The following RFFL variants were observed in gnomAD, a reference collection of about 807,000 sequenced individuals.
RFFL encodes ring finger and FYVE like domain containing E3 ubiquitin protein ligase, also known as E3 ubiquitin-protein ligase rififylin.
A neutral mutation model predicts 40.4 loss-of-function variants in RFFL; 16 were observed. The ratio of observed to expected loss-of-function variants is 0.40; its 90% CI spans 0.27 to 0.60. The LOEUF is 0.60. Ranked by LOEUF, RFFL falls within the 20% of genes least tolerant of loss-of-function variation. RFFL has a pLI of 0.47. For missense variants in RFFL, 367 were observed against 451.7 expected (o/e 0.81, Z 1.70); for synonymous variants, 154 against 167.9 (o/e 0.92, Z 0.64).
chr17:35,013,476 C>A (rs1249259194), intron 6 of RFFL, among the ~76,000 whole-genome samples: 1 of 152,184 alleles, frequency 6.6e-6, no homozygotes, highest in Admixed American at 6.5e-5. Flanking sequence ...TAAAAAGGAA[C>A]TGATCTCACA....
chr17:35,019,397 T>C (rs2090994257), intron 3 of RFFL, among the ~76,000 whole-genome samples: 1 of 152,164 alleles, frequency 6.6e-6, no homozygotes, highest in Non-Finnish European at 1.5e-5. Flanking sequence ...TTTTGTTTTC[T>C]GAGACAGGAT....
chr17:35,061,099 G>A (rs2142367898), intron 1 of RFFL, among the ~76,000 whole-genome samples: 1 of 151,464 alleles, frequency 6.6e-6, no homozygotes, highest in South Asian at 2.1e-4. Context: ...GAGATGAGAT[G>A]GTTAACAGCA....
chr17:35,017,956 A>T (rs2090984917), intron 3 of RFFL, among the ~76,000 whole-genome samples: 1 of 152,174 alleles, frequency 6.6e-6, no homozygotes, highest in African/African-American at 2.4e-5. Flanking sequence ...ACTGCTCTCT[A>T]TCTGGCATCA....
intron 1 of RFFL, chr17:35,042,127 C>T (rs1472652910): frequency 6.6e-6 from 1 of 152,208 alleles, no homozygotes; most frequent in Non-Finnish European, 1.5e-5. Context: ...GGGTTTCTTA[C>T]CACCCAACGC....
At chr17:35,018,322 G>A (rs1305068188) in intron 3 of RFFL, among the ~76,000 whole-genome samples, 1 of 152,180 alleles carries the variant, frequency 6.6e-6, no homozygotes, top group Admixed American at 6.5e-5. Context: ...ATAAAACACT[G>A]CCTATGCTTA....
chr17:35,078,089 C>A (rs769738004), intron 1 of RFFL, among the ~76,000 whole-genome samples: 1 of 152,100 alleles, frequency 6.6e-6, no homozygotes. Context: ...AGATAAACTA[C>A]ATCAGAATCC....
intron 2 of RFFL, among the ~76,000 whole-genome samples, chr17:35,022,095 C>A (rs548353228): frequency 1.1e-4 from 16 of 152,326 alleles, no homozygotes; most frequent in African/African-American, 3.6e-4. Flanking sequence ...GCATAAGAAT[C>A]AAAAAGCTCT....
rs2090920228 is a variant in RFFL at position 35,009,362 on chromosome 17, T to G, written c.*2606A>C. The G allele has an allele frequency of 6.6e-6, 1 of 152,238 alleles. No individual in the cohort carries two copies. Among genetic ancestry groups the G allele is most frequent in the Admixed American group, 6.5e-5 (1 of 15,286 alleles). 9.4% of individuals were successfully genotyped at this position (152,238 alleles called of 1,614,324 possible). Reference sequence around the variant, plus strand: ...ATGTATTATGAACCAGTCAGCTATCTGTCTTTTGAAACAAGTCTTAACTGA... The same window carrying G: ...ATGTATTATGAACCAGTCAGCTATCGGTCTTTTGAAACAAGTCTTAACTGA... On this transcript the variant is annotated 3_prime_UTR_variant, in exon 7 of 7. Transcript: ENST00000394597.
intron 1 of RFFL, among the ~76,000 whole-genome samples, chr17:35,033,425 A>G (rs181010554): frequency 6.6e-6 from 1 of 151,966 alleles, no homozygotes; most frequent in East Asian, 1.9e-4. Context: ...CTACTGGGGA[A>G]GCTGAGACAA....
chr17:35,019,428 G>T (rs1222143988), intron 3 of RFFL, among the ~76,000 whole-genome samples: 4 of 152,198 alleles, frequency 2.6e-5, no homozygotes, highest in African/African-American at 9.6e-5. Context: ...TGCCCAGGCT[G>T]GAGTGTGGTG....
At position 35,012,152 on chromosome 17, in the gene RFFL, G is replaced by C; in HGVS notation, c.911-3C>G. The C allele has an allele frequency of 6.2e-7, 1 of 1,612,996 alleles. No homozygotes were observed. The highest frequency in any genetic ancestry group is 8.5e-7 in the Non-Finnish European group (1 of 1,179,304). The stretch of plus-strand genomic sequence containing the variant: ...CAAGCCTGATGGTACTGCTCCCCCT[G>C]TACAAACACACAGGGCAGAAAAAAA... On this transcript the variant is annotated splice_region_variant and splice_polypyrimidine_tract_variant and intron_variant, in intron 6 of 6. Coordinates refer to ENST00000394597, the MANE Select transcript of RFFL (RefSeq NM_001017368.2).
At chr17:35,067,279 G>A (rs1479335294), upstream of RFFL, among the ~76,000 whole-genome samples, 2 of 151,726 alleles carry the variant, frequency 1.3e-5, no homozygotes, top group African/African-American at 2.4e-5. Flanking sequence ...CACCATGTCT[G>A]GCTAATTTTT....
At chr17:35,037,037 T>C (rs2091127940) in intron 1 of RFFL, among the ~76,000 whole-genome samples, 1 of 152,198 alleles carries the variant, frequency 6.6e-6, no homozygotes, top group Non-Finnish European at 1.5e-5. Context: ...TGCACCAAGG[T>C]AGTTCTGCAA....
intron 1 of RFFL, among the ~76,000 whole-genome samples, chr17:35,039,014 TCCTC>T (rs1415305580): frequency 6.6e-6 from 1 of 152,072 alleles, no homozygotes; most frequent in African/African-American, 2.4e-5. Flanking sequence ...GCTTACGTGA[TCCTC>T]CTGCCACAGC....
Position 35,021,646 on chromosome 17 carries a change from C to A in RFFL, c.316G>T (p.Val106Leu). 2 of 1,614,236 alleles carry A rather than the reference C, an allele frequency of 1.2e-6. No homozygotes were observed. The highest frequency in any genetic ancestry group is 1.7e-6 in the Non-Finnish European group (2 of 1,180,046). The part of the protein sequence containing the change: ...FQREELMKMK[V>L]KDLRDYLSLH... ...CTGAGATAGTCCCTCAAGTCCTTCA[C>A]CTTCATCTTCATGAGCTCCTCTCGC... Residue 106 changes from valine (V) to leucine (L), a missense_variant, in exon 3 of 7, where the codon GTG becomes TTG. Coordinates refer to ENST00000394597, the MANE Select transcript of RFFL (RefSeq NM_001017368.2).
At chr17:35,050,258 A>T (rs1296718445) in intron 1 of RFFL, among the ~76,000 whole-genome samples, 1 of 151,656 alleles carries the variant, frequency 6.6e-6, no homozygotes, top group South Asian at 2.1e-4. Flanking sequence ...AATAAAAATT[A>T]AAAAATAGAA....
chr17:35,026,219 T>G (rs2091039526), intron 2 of RFFL, among the ~76,000 whole-genome samples, 155 bp downstream of exon 2: 1 of 152,256 alleles, frequency 6.6e-6, no homozygotes. Flanking sequence ...TTTTACTCAG[T>G]TAGTTCTTCT....
upstream of RFFL, among the ~76,000 whole-genome samples, chr17:35,068,431 A>T (rs2091331452): frequency 6.6e-6 from 1 of 152,220 alleles, no homozygotes; most frequent in Non-Finnish European, 1.5e-5. Context: ...AGTCCCTTTA[A>T]TCTTTAACAA....
At chr17:35,066,951 C>G (rs1405007950), upstream of RFFL, among the ~76,000 whole-genome samples, 1 of 150,556 alleles carries the variant, frequency 6.6e-6, no homozygotes, top group Non-Finnish European at 1.5e-5. Context: ...TCTAATAAAT[C>G]ACAGAAATTA....
Sources: allele counts gnomAD v4.1 joint callset (sites outside exome capture counted in the v4.1 genomes callset), GRCh38; gene constraint gnomAD v4.1.1; transcripts MANE v1.5; gene names NCBI Gene and HGNC (gene_info 2026-07-23, HGNC 2026-07-21).